Variants in RAP1GAP2 observed in about 807,000 individuals in gnomAD.
RAP1GAP2 encodes the protein RAP1 GTPase activating protein 2.
Under a neutral mutation model 95.0 loss-of-function variants are expected in RAP1GAP2, and 27 were observed. That is an observed-to-expected ratio of 0.28 (90% CI 0.21 to 0.39). RAP1GAP2 has a LOEUF of 0.39. Ranked by LOEUF, RAP1GAP2 falls within the 10% of genes least tolerant of loss-of-function variation. The probability of loss-of-function intolerance (pLI) is 1.00; values close to 1 mark genes in which losing one functional copy is unlikely to be tolerated. For missense variants in RAP1GAP2, 771 were observed against 970.0 expected, an observed-to-expected ratio of 0.79 and a Z score of 2.72; for synonymous variants, 373 against 380.9, an observed-to-expected ratio of 0.98 and a Z score of 0.24.
rs1597466092 is a variant in RAP1GAP2, at chr17:2,866,248, A to G, written c.81-39036A>G. Reference sequence around the variant, plus strand: ...GATAAAAAAACAGGGGCCCGCTCAGATCCCACCTTGGCTGTGGTGTGGATT... The same window carrying G: ...GATAAAAAAACAGGGGCCCGCTCAGGTCCCACCTTGGCTGTGGTGTGGATT... On this transcript the variant is annotated intron_variant, in intron 2 of 24. Coordinates refer to ENST00000254695, the MANE Select transcript of RAP1GAP2 (RefSeq NM_015085.5). The surrounding 1 kb of genome is among the most constrained non-coding windows in gnomAD (Gnocchi z 4.0). Among the ~76,000 whole-genome samples the G allele has an allele frequency of 6.6e-6, 1 of 152,230 alleles. No individual in the cohort carries two copies. The highest frequency in any genetic ancestry group is 6.5e-5 in the Admixed American group (1 of 15,284).
intron 1 of RAP1GAP2, among the ~76,000 whole-genome samples, chr17:2,767,226 G>T (rs534518280): frequency 9.8e-4 from 148 of 151,776 alleles, no homozygotes; most frequent in African/African-American, 3.5e-3. Context: ...ACCGGGTGTG[G>T]TGACAGATGC....
chr17:2,905,413 G>A (rs758637098), intron 3 of RAP1GAP2, 45 bp downstream of exon 3: 3 of 1,583,934 alleles, frequency 1.9e-6, no homozygotes, highest in Non-Finnish European at 2.6e-6. Context: ...AGAGTGTGGG[G>A]AAGTTGTGAG....
chr17:2,852,527 T>G (rs1191205810), intron 2 of RAP1GAP2, among the ~76,000 whole-genome samples: 1 of 152,140 alleles, frequency 6.6e-6, no homozygotes, highest in Non-Finnish European at 1.5e-5. Context: ...CTCTCCCCTC[T>G]CCACCCAGCA....
chr17:2,930,054 C>T (rs950185457), intron 3 of RAP1GAP2, among the ~76,000 whole-genome samples: 4 of 152,224 alleles, frequency 2.6e-5, no homozygotes, highest in Non-Finnish European at 4.4e-5. Flanking sequence ...TGGTGTGTCA[C>T]CTGCCCTGTG....
rs1268263140 is a variant in RAP1GAP2, at chr17:2,870,112, T to G, written c.81-35172T>G. ...TCAGAGTGCACTCTGTGCTGCTGCT[T>G]GACAATCTTTTTTTTTTTTTTTGGA... On this transcript the variant is annotated intron_variant, in intron 2 of 24. Transcript: ENST00000254695. This position sits in a 1 kb window ranked among gnomAD's most constrained non-coding sequence, Gnocchi z 4.4. Among the ~76,000 whole-genome samples the G allele has an allele frequency of 4.0e-5, 6 of 151,236 alleles. No individual in the cohort carries two copies. Among genetic ancestry groups the G allele is most frequent in the Admixed American group, 4.0e-4 (6 of 15,136 alleles).
chr17:2,794,302 G>A (rs1237568943), upstream of RAP1GAP2, among the ~76,000 whole-genome samples: 1 of 152,112 alleles, frequency 6.6e-6, no homozygotes, highest in Admixed American at 6.6e-5. Flanking sequence ...GGCCAGGCCT[G>A]GTCAGGTGCC....
intron 12 of RAP1GAP2, among the ~76,000 whole-genome samples, chr17:2,992,447 A>G (rs919445177): frequency 3.9e-5 from 6 of 152,264 alleles, no homozygotes; most frequent in African/African-American, 1.4e-4. Flanking sequence ...GGCGTGAGCC[A>G]CCGTGCCTGG....
chr17:2,957,682 G>C, intron 3 of RAP1GAP2, 77 bp from the exon 4 acceptor site: 1 of 1,451,672 alleles, frequency 6.9e-7, no homozygotes, highest in Non-Finnish European at 9.5e-7. Flanking sequence ...CTTCCTGATA[G>C]TTGGTGAGGA....
chr17:3,032,227 T>C (rs919918670), intron 23 of RAP1GAP2, among the ~76,000 whole-genome samples, 184 bp from the exon 24 acceptor site: 10 of 140,828 alleles, frequency 7.1e-5, no homozygotes, highest in Non-Finnish European at 1.2e-4. Context: ...CCAGTCCCTT[T>C]CTGAGCTCGC....
At chr17:3,007,383 G>A (rs907419259) in intron 16 of RAP1GAP2, among the ~76,000 whole-genome samples, 4 of 152,188 alleles carry the variant, frequency 2.6e-5, no homozygotes, top group African/African-American at 9.7e-5. Flanking sequence ...CCAGTTAGAA[G>A]CTATTTACAG....
At position 3,003,823 on chromosome 17, in the gene RAP1GAP2, G is replaced by T. The variant is rs2046246857; in HGVS notation, c.1201-1546G>T. Among the ~76,000 whole-genome samples, 1 of 152,170 alleles carries T rather than the reference G, an allele frequency of 6.6e-6. No homozygotes were observed. The highest frequency in any genetic ancestry group is 2.4e-5 in the African/African-American group (1 of 41,450). On this transcript the variant is annotated intron_variant, in intron 14 of 24. Transcript: ENST00000254695. The surrounding 1 kb of genome is among the most constrained non-coding windows in gnomAD (Gnocchi z 4.1). ...AGGCCTGGCCGCCTGGTTGGAATGG[G>T]GTCAAGAGAGGCGCACAATGAGGAT...
At position 2,867,818 on chromosome 17, in the gene RAP1GAP2, G is replaced by A. The variant is rs977003518; in HGVS notation, c.81-37466G>A. ...GCTTAGTTGATGCTGATCTTGGCACGGTCTTGTCAACTTGGCTGGTGGCTG... is the reference window on the plus strand; with the variant it reads ...GCTTAGTTGATGCTGATCTTGGCACAGTCTTGTCAACTTGGCTGGTGGCTG... On this transcript the variant is annotated intron_variant, in intron 2 of 24. Transcript: ENST00000254695. This position sits in a 1 kb window ranked among gnomAD's most constrained non-coding sequence, Gnocchi z 4.5. Among the ~76,000 whole-genome samples, 2 of 152,096 alleles carry A rather than the reference G, an allele frequency of 1.3e-5. No individual in the cohort carries two copies. Among genetic ancestry groups the A allele is most frequent in the Admixed American group, 6.6e-5 (1 of 15,250 alleles).
intron 2 of RAP1GAP2, among the ~76,000 whole-genome samples, chr17:2,853,803 C>A (rs184115332): frequency 0.04 from 5,910 of 147,038 alleles, 201 homozygotes; most frequent in African/African-American, 0.096. Flanking sequence ...CCCGAGGAGA[C>A]GCTGAAGGTC....
intron 3 of RAP1GAP2, among the ~76,000 whole-genome samples, chr17:2,923,666 T>G (rs568963609): frequency 8.3e-4 from 127 of 152,154 alleles, no homozygotes; most frequent in Middle Eastern, 3.4e-3. Flanking sequence ...AGTTTTTTTT[T>G]TGTGTGTGTG....
Position 2,965,871 on chromosome 17 carries a change from C to G in RAP1GAP2, c.596+228C>G, listed in dbSNP as rs1287537848. On this transcript the variant is annotated intron_variant, in intron 8 of 24. Coordinates refer to ENST00000254695, the MANE Select transcript of RAP1GAP2 (RefSeq NM_015085.5). The surrounding 1 kb of genome is among the most constrained non-coding windows in gnomAD (Gnocchi z 4.7). ...GACAGTCAGAGGGGCATCCAGGTCT[C>G]AAGGTCACCCAGACTGTACCCCTTC... is the stretch of plus-strand genomic sequence containing the variant. 3.4e-5 allele frequency: 19 copies of G among 557,178 alleles called. 1 individual carries two copies. The Admixed American group carries it at 5.5e-4, about 16-fold the overall frequency. 34.5% of individuals were successfully genotyped at this position (557,178 alleles called of 1,614,324 possible).
intron 2 of RAP1GAP2, among the ~76,000 whole-genome samples, chr17:2,815,576 G>A (rs776724928): frequency 3.4e-4 from 51 of 151,628 alleles, no homozygotes; most frequent in Non-Finnish European, 6.5e-4. Flanking sequence ...CCACCTCCCC[G>A]GTTCAAGCGA....
intron 3 of RAP1GAP2, among the ~76,000 whole-genome samples, chr17:2,942,906 G>T (rs545341382): frequency 3.9e-5 from 6 of 152,078 alleles, no homozygotes; most frequent in South Asian, 2.1e-4. Flanking sequence ...TAGCTGGGAT[G>T]ACAGGCACTC....
At chr17:2,809,842 T>C (rs1597350962) in intron 2 of RAP1GAP2, among the ~76,000 whole-genome samples, 2 of 152,172 alleles carry the variant, frequency 1.3e-5, no homozygotes, top group East Asian at 3.9e-4. Context: ...AGGCTCTTGA[T>C]GGACAGGGGC....
chr17:2,946,080 C>T (rs55756599), intron 3 of RAP1GAP2, among the ~76,000 whole-genome samples: 5,667 of 152,236 alleles, frequency 0.037, 366 homozygotes, highest in African/African-American at 0.13. Context: ...TGTGAGCCAC[C>T]GTGCCCGGCC....
Sources: allele counts gnomAD v4.1 joint callset (sites outside exome capture counted in the v4.1 genomes callset), GRCh38; gene constraint gnomAD v4.1.1; non-coding constraint Gnocchi (gnomAD v3.1); transcripts MANE v1.5; gene names NCBI Gene and HGNC (gene_info 2026-07-23, HGNC 2026-07-21).